Variants in CADM2 observed in about 807,000 individuals in gnomAD.
CADM2 encodes immunoglobulin superfamily member 4D.
CADM2 carries 12 observed loss-of-function variants against 49.8 expected under a neutral mutation model. The observed-to-expected ratio is 0.24, with a 90% CI of 0.15 to 0.39. The LOEUF is 0.39. Among genes scored for constraint, CADM2 ranks in the 10% least tolerant of loss-of-function variants. CADM2 has a pLI of 1.00. For missense variants in CADM2, 378 were observed against 492.3 expected, an observed-to-expected ratio of 0.77 and a Z score of 2.20; for synonymous variants, 214 against 175.4, an observed-to-expected ratio of 1.22 and a Z score of -1.74.
chr3:85,488,695 C>T (rs1008823735), intron 1 of CADM2, among the ~76,000 whole-genome samples: 11 of 152,018 alleles, frequency 7.2e-5, no homozygotes, highest in African/African-American at 2.4e-4. Context: ...CCACGCCCAG[C>T]TAATTTTTGT....
At chr3:85,224,453 T>G (rs985621553) in intron 1 of CADM2, among the ~76,000 whole-genome samples, 1 of 152,122 alleles carries the variant, frequency 6.6e-6, no homozygotes, top group African/African-American at 2.4e-5. Context: ...CATTGTTTGA[T>G]TTTTTCCTTG....
chr3:85,398,095 T>A (rs1039076193), intron 1 of CADM2, among the ~76,000 whole-genome samples: 1 of 152,102 alleles, frequency 6.6e-6, no homozygotes, highest in Admixed American at 6.5e-5. Context: ...CATGTTGGTG[T>A]GCTGCACCCA....
At chr3:86,058,436 C>A (rs1382928463) in intron 8 of CADM2, among the ~76,000 whole-genome samples, 3 of 151,956 alleles carry the variant, frequency 2.0e-5, no homozygotes, top group Non-Finnish European at 2.9e-5. Context: ...ACTGACAATG[C>A]TGGGAAATAA....
At chr3:85,107,692 TCTTTCTCTTTC>T in intron 1 of CADM2, among the ~76,000 whole-genome samples, 1 of 143,088 alleles carries the variant, frequency 7.0e-6, no homozygotes, top group Non-Finnish European at 1.5e-5. Flanking sequence ...TCTCTTTCTT[TCTTTCTCTTTC>T]TTTTTTTTTT....
chr3:85,299,827 G>T (rs1170084475), intron 1 of CADM2, among the ~76,000 whole-genome samples: 1 of 152,042 alleles, frequency 6.6e-6, no homozygotes, highest in Non-Finnish European at 1.5e-5. Flanking sequence ...TTTAATAGGA[G>T]ACCATTACTG....
At chr3:85,650,831 A>T (rs1016193696) in intron 1 of CADM2, among the ~76,000 whole-genome samples, 4 of 150,380 alleles carry the variant, frequency 2.7e-5, no homozygotes, top group Non-Finnish European at 5.9e-5. Context: ...AAGCACCATA[A>T]ATGTTAATTT....
chr3:85,736,522 C>T (rs2068145330), intron 2 of CADM2, among the ~76,000 whole-genome samples: 1 of 152,148 alleles, frequency 6.6e-6, no homozygotes, highest in African/African-American at 2.4e-5. Context: ...GACTAAAAGA[C>T]AGCAAGTAGA....
chr3:86,066,264 C>T (rs964372076), intron 9 of CADM2, among the ~76,000 whole-genome samples: 7 of 131,078 alleles, frequency 5.3e-5, no homozygotes, highest in African/African-American at 2.0e-4. Flanking sequence ...ACCCGGGAGG[C>T]GGAGCTTGCG....
intron 1 of CADM2, among the ~76,000 whole-genome samples, chr3:85,273,719 A>G (rs773697157): frequency 2.0e-5 from 3 of 148,080 alleles, no homozygotes; most frequent in Non-Finnish European, 3.0e-5. Context: ...TGAGACAGCT[A>G]CTGGACATTT....
At chr3:85,723,005 T>C (rs2067563007) in intron 1 of CADM2, among the ~76,000 whole-genome samples, 1 of 152,172 alleles carries the variant, frequency 6.6e-6, no homozygotes. Context: ...AGATAAACTT[T>C]ATTAATATAA....
chr3:86,044,070 T>C (rs1736319068), intron 8 of CADM2, among the ~76,000 whole-genome samples: 1 of 152,186 alleles, frequency 6.6e-6, no homozygotes, highest in South Asian at 2.1e-4. Context: ...TCAAGATGGA[T>C]TAAAGACTTA....
chr3:85,609,579 C>G lies in CADM2; in HGVS notation c.62-116943C>G, dbSNP rs115691778. ...GTGTCAACTCTGTTGAATTAAAAAGCCTTCAGTATAGATTTACAGCCTGGA... is the reference window on the plus strand; with the variant it reads ...GTGTCAACTCTGTTGAATTAAAAAGGCTTCAGTATAGATTTACAGCCTGGA... On this transcript the variant is annotated intron_variant, in intron 1 of 9. Coordinates refer to ENST00000383699, the MANE Select transcript of CADM2 (RefSeq NM_001167675.2). 6.5e-3 allele frequency among the ~76,000 whole-genome samples: 994 copies of G among 152,094 alleles called. 10 individuals carry two copies. The highest frequency in any genetic ancestry group is 0.023 in the African/African-American group (936 of 41,520).
At chr3:86,021,271 A>AGTCAC (rs1370769020) in intron 8 of CADM2, among the ~76,000 whole-genome samples, 5 of 152,086 alleles carry the variant, frequency 3.3e-5, no homozygotes, top group Admixed American at 6.6e-5. Context: ...AAGTGCTGGG[A>AGTCAC]TTTCAAGTGT....
At chr3:85,326,475 C>T (rs753559427) in intron 1 of CADM2, among the ~76,000 whole-genome samples, 1 of 151,938 alleles carries the variant, frequency 6.6e-6, no homozygotes, top group Non-Finnish European at 1.5e-5. Context: ...TTTCAAATAA[C>T]ACTATTTTTT....
intron 1 of CADM2, among the ~76,000 whole-genome samples, chr3:85,465,861 C>T (rs1223487387): frequency 3.3e-5 from 5 of 152,156 alleles, no homozygotes; most frequent in Middle Eastern, 3.4e-3. Flanking sequence ...TTTATCTAAG[C>T]GCAGGAAGAT....
chr3:85,016,932 A>G (rs565291561), intron 1 of CADM2, among the ~76,000 whole-genome samples: 19 of 152,348 alleles, frequency 1.2e-4, no homozygotes, highest in Admixed American at 2.6e-4. Context: ...AAAAAGTGAT[A>G]TAAGAAGGCA....
chr3:85,691,192 C>G (rs1484621439), intron 1 of CADM2, among the ~76,000 whole-genome samples: 3 of 152,098 alleles, frequency 2.0e-5, no homozygotes, highest in Non-Finnish European at 4.4e-5. Context: ...TCTTTCTGTC[C>G]CTGCCTTACT....
intron 1 of CADM2, among the ~76,000 whole-genome samples, chr3:85,459,646 G>T (rs1458514661): frequency 6.6e-6 from 1 of 152,182 alleles, no homozygotes; most frequent in Non-Finnish European, 1.5e-5. Context: ...TTTGATTTAT[G>T]ATTTTCCTTC....
intron 8 of CADM2, among the ~76,000 whole-genome samples, chr3:85,995,358 G>T (rs571603691): frequency 6.6e-6 from 1 of 152,222 alleles, no homozygotes; most frequent in South Asian, 2.1e-4. Flanking sequence ...TGGAAAAATA[G>T]TATAAATGAT....
Sources: allele counts gnomAD v4.1 joint callset (sites outside exome capture counted in the v4.1 genomes callset), GRCh38; gene constraint gnomAD v4.1.1; transcripts MANE v1.5; gene names NCBI Gene and HGNC (gene_info 2026-07-23, HGNC 2026-07-21).